The following STK3 variants were observed in gnomAD, a reference collection of about 807,000 sequenced individuals.
The protein encoded by STK3 is serine/threonine kinase 3.
In STK3, 41 loss-of-function variants were observed where a neutral mutation model predicts 58.0. That is an observed-to-expected ratio of 0.71 (90% confidence interval 0.55 to 0.92). STK3 has a LOEUF of 0.92. Ranked by LOEUF, STK3 falls within the 40% of genes least tolerant of loss-of-function variation. The probability of loss-of-function intolerance (pLI) is 0.00; values close to 1 mark genes in which losing one functional copy is unlikely to be tolerated. For missense variants in STK3, 479 were observed against 602.7 expected, an observed-to-expected ratio of 0.79 and a Z score of 2.15; for synonymous variants, 170 against 191.0, an observed-to-expected ratio of 0.89 and a Z score of 0.91.
In STK3 at chr8:98,407,761, C is replaced by CGT. The variant is rs1818012040; in HGVS notation, n.484-6249_484-6248insAC. On this transcript the variant is annotated intron_variant and non_coding_transcript_variant, in intron 3 of 3. Coordinates refer to the STK3 transcript ENST00000517832. ...GTGTGTGTGTGTGTGTGTGTGTGCG[C>CGT]GCGCGCGCGCATGCATGGTATGACT... 2.0e-5 allele frequency among the ~76,000 whole-genome samples: 3 copies of CGT among 146,432 alleles called. No homozygotes were observed. In the South Asian group the frequency reaches 6.4e-4, roughly 31 times the overall value.
intron 1 of STK3, chr8:98,905,405 A>T (rs771451796): frequency 1.6e-5 from 20 of 1,277,476 alleles, no homozygotes; most frequent in Non-Finnish European, 2.3e-5. Context: ...CTTGGTTGGT[A>T]CAAGTGGGAC....
chr8:98,719,760 T>C (rs976630446), intron 4 of STK3, among the ~76,000 whole-genome samples: 6 of 152,238 alleles, frequency 3.9e-5, no homozygotes, highest in African/African-American at 1.2e-4. Context: ...TTCAAGGTGC[T>C]GGATATACAC....
intron 1 of STK3, chr8:98,905,401 TG>T: frequency 7.9e-7 from 1 of 1,267,128 alleles, no homozygotes; most frequent in Non-Finnish European, 1.2e-6. Flanking sequence ...AGCTCTTGGT[TG>T]GTACAAGTGG....
intron 2 of STK3, among the ~76,000 whole-genome samples, chr8:98,377,709 C>T (rs1817689242): frequency 6.6e-6 from 1 of 152,062 alleles, no homozygotes; most frequent in African/African-American, 2.4e-5. Flanking sequence ...CCAACTCTGC[C>T]ATCCTGAGAG....
At chr8:98,511,931 G>A (rs1397279186) in intron 10 of STK3, among the ~76,000 whole-genome samples, 2 of 151,910 alleles carry the variant, frequency 1.3e-5, no homozygotes, top group African/African-American at 4.8e-5. Flanking sequence ...AACAGAAACT[G>A]AAGTGAAAAA....
At chr8:98,586,422 C>A (rs1370372719) in intron 7 of STK3, among the ~76,000 whole-genome samples, 1 of 150,628 alleles carries the variant, frequency 6.6e-6, no homozygotes. Context: ...TATATTGAAC[C>A]AGCCTTGCAT....
At chr8:98,803,707 C>A (rs1195725194) in intron 1 of STK3, among the ~76,000 whole-genome samples, 1 of 151,448 alleles carries the variant, frequency 6.6e-6, no homozygotes, top group African/African-American at 2.4e-5. Context: ...ACCTTACTAT[C>A]TTTAGGAAAC....
chr8:98,452,238 G>T (rs929173083), downstream of STK3, among the ~76,000 whole-genome samples: 1 of 152,134 alleles, frequency 6.6e-6, no homozygotes, highest in African/African-American at 2.4e-5. Context: ...CACTGGGGAG[G>T]TGATTCAGTA....
intron 1 of STK3, among the ~76,000 whole-genome samples, chr8:98,897,905 G>A (rs547436338): frequency 3.4e-4 from 52 of 152,264 alleles, no homozygotes; most frequent in Admixed American, 2.7e-3. Context: ...ATCAAAACAC[G>A]AGACAGCCCC....
intron 9 of STK3, 110 bp from the exon 10 acceptor site, chr8:98,527,027 G>T: frequency 1.3e-6 from 1 of 751,788 alleles, no homozygotes. Context: ...GCACTGGTCA[G>T]ATTCAAGGCC....
chr8:98,697,738 T>C (rs1043384654), intron 6 of STK3, among the ~76,000 whole-genome samples: 2 of 152,206 alleles, frequency 1.3e-5, no homozygotes, highest in Non-Finnish European at 2.9e-5. Flanking sequence ...TGTTATAATT[T>C]CTGTTCTTTT....
chr8:98,758,215 A>G (rs1336565924), intron 3 of STK3, among the ~76,000 whole-genome samples: 1 of 152,248 alleles, frequency 6.6e-6, no homozygotes, highest in Non-Finnish European at 1.5e-5. Context: ...AATTTTGCTA[A>G]ACGTATAAAG....
At chr8:98,820,795 G>T (rs1834847074) in intron 1 of STK3, among the ~76,000 whole-genome samples, 2 of 152,092 alleles carry the variant, frequency 1.3e-5, no homozygotes, top group Admixed American at 1.3e-4. Flanking sequence ...GGCTAACACG[G>T]TAAAACCCCA....
intron 4 of STK3, among the ~76,000 whole-genome samples, chr8:98,724,460 GT>G (rs374811266): frequency 1.2e-3 from 177 of 152,308 alleles, no homozygotes; most frequent in African/African-American, 3.7e-3. Context: ...AGTTCTTTGT[GT>G]TTGAACATAG....
chr8:98,357,824 C>G, the STK3 span, among the ~76,000 whole-genome samples: 5 of 152,136 alleles, frequency 3.3e-5, no homozygotes, highest in Non-Finnish European at 7.3e-5. Context: ...ACAACACCCC[C>G]TCATCAGACT....
chr8:98,607,435 T>C (rs961578606), intron 6 of STK3, among the ~76,000 whole-genome samples: 2 of 152,256 alleles, frequency 1.3e-5, no homozygotes, highest in South Asian at 2.1e-4. Context: ...ACTGTAATCA[T>C]TGTATTCTTC....
intron 10 of STK3, 28 bp from the exon 11 acceptor site, chr8:98,456,028 C>T (rs1351392225): frequency 6.4e-7 from 1 of 1,573,542 alleles, no homozygotes; most frequent in Non-Finnish European, 8.6e-7. Flanking sequence ...GATACCAATA[C>T]AATGAAATTA....
At chr8:98,417,647 C>T (rs1818130125) in intron 3 of STK3, among the ~76,000 whole-genome samples, 1 of 152,134 alleles carries the variant, frequency 6.6e-6, no homozygotes, top group South Asian at 2.1e-4. Context: ...TGCCTGTTTC[C>T]CCCTCAGATC....
At chr8:98,686,395 A>T (rs1824003471) in intron 6 of STK3, among the ~76,000 whole-genome samples, 1 of 152,228 alleles carries the variant, frequency 6.6e-6, no homozygotes, top group Non-Finnish European at 1.5e-5. Flanking sequence ...TAACAATATT[A>T]AATCAAAAAT....
Sources: gnomAD v4.1 joint callset for allele counts (sites outside exome capture counted in the v4.1 genomes callset) on GRCh38, gnomAD v4.1.1 for gene constraint, MANE v1.5 for transcripts, NCBI Gene and HGNC (gene_info 2026-07-23, HGNC 2026-07-21) for gene names.